The following ZSWIM6 variants were observed in gnomAD, a reference collection of about 807,000 sequenced individuals.
ZSWIM6 encodes the protein zinc finger SWIM domain-containing protein 6.
A neutral mutation model predicts 113.2 loss-of-function variants in ZSWIM6; 9 were observed. The observed-to-expected ratio is 0.08, with a 90% confidence interval of 0.05 to 0.14. The LOEUF (loss-of-function observed/expected upper bound fraction) is 0.14. ZSWIM6 is among the 10% of genes least tolerant of loss of function. The pLI, the probability that ZSWIM6 is intolerant of heterozygous loss-of-function variation, is 1.00. For missense variants in ZSWIM6, 1,162 were observed against 1,552.2 expected (o/e 0.75, Z 4.22); for synonymous variants, 611 against 606.5 (o/e 1.01, Z -0.11).
chr5:61,442,086 A>G (rs1037509542), intron 1 of ZSWIM6, among the ~76,000 whole-genome samples: 1 of 152,140 alleles, frequency 6.6e-6, no homozygotes, highest in Non-Finnish European at 1.5e-5. Context: ...AACAGAAAGC[A>G]GGTGGTCAGT....
chr5:61,368,860 A>G (rs939293089), intron 1 of ZSWIM6, among the ~76,000 whole-genome samples: 3 of 152,218 alleles, frequency 2.0e-5, no homozygotes, highest in Admixed American at 6.5e-5. Flanking sequence ...CTGCTTTGAC[A>G]TCTAGCAGCT....
At chr5:61,474,932 T>G (rs903655469) in intron 2 of ZSWIM6, among the ~76,000 whole-genome samples, 1 of 152,164 alleles carries the variant, frequency 6.6e-6, no homozygotes, top group Non-Finnish European at 1.5e-5. Context: ...GCGTTTGACT[T>G]GGTAGAGTCT....
At chr5:61,485,783 AT>A (rs1035836416) in intron 2 of ZSWIM6, among the ~76,000 whole-genome samples, 9 of 152,104 alleles carry the variant, frequency 5.9e-5, no homozygotes, top group Non-Finnish European at 1.2e-4. Context: ...AGATAAAGTG[AT>A]TTTTTTAGAT....
chr5:61,489,048 C>T (rs1340966263), intron 2 of ZSWIM6, among the ~76,000 whole-genome samples: 1 of 151,974 alleles, frequency 6.6e-6, no homozygotes, highest in Non-Finnish European at 1.5e-5. Flanking sequence ...TTCTTTTCTC[C>T]AGGATTATCT....
chr5:61,446,201 T>G lies in ZSWIM6; in HGVS notation c.677-26480T>G, dbSNP rs1177808088. 2.6e-5 allele frequency among the ~76,000 whole-genome samples: 4 copies of G among 152,210 alleles called. No homozygotes were observed. In the South Asian group the frequency reaches 8.3e-4, roughly 32 times the overall value. ...CACCACTCCCAGCTAATTTTTGTAT[T>G]TTTAGTAGAGACGGGGTTTCACCAT... On this transcript the variant is annotated intron_variant, in intron 1 of 13. Coordinates refer to ENST00000252744, the MANE Select transcript of ZSWIM6 (RefSeq NM_020928.2).
chr5:61,545,285 A>G lies in ZSWIM6; in HGVS notation c.*968A>G, dbSNP rs1184906900. 2 of 151,240 alleles carry G rather than the reference A, an allele frequency of 1.3e-5. No individual in the cohort carries two copies. Among genetic ancestry groups the G allele is most frequent in the Non-Finnish European group, 2.9e-5 (2 of 67,864 alleles). 9.4% of individuals were successfully genotyped at this position (151,240 alleles called of 1,614,324 possible). A position where few individuals can be genotyped will look rare whatever the true frequency, so the allele number is the denominator to read the frequency against. On this transcript the variant is annotated 3_prime_UTR_variant, in exon 14 of 14. Coordinates refer to ENST00000252744, the MANE Select transcript of ZSWIM6 (RefSeq NM_020928.2). ...TACATATATATATGTATACACACAG[A>G]CACACACACACACCACCAACAACCA...
chr5:61,345,088 GATTT>G (rs775446986), intron 1 of ZSWIM6, among the ~76,000 whole-genome samples: 4 of 152,108 alleles, frequency 2.6e-5, no homozygotes, highest in Non-Finnish European at 5.9e-5. Context: ...AAATTTGCCT[GATTT>G]ATTTACTATG....
chr5:61,472,305 A>C lies in ZSWIM6; in HGVS notation c.677-376A>C, dbSNP rs1747590595. On this transcript the variant is annotated intron_variant, in intron 1 of 13. Coordinates refer to ENST00000252744, the MANE Select transcript of ZSWIM6 (RefSeq NM_020928.2). This position sits in a 1 kb window ranked among gnomAD's most constrained non-coding sequence, Gnocchi z 4.1. ...GCTTAAAAAAGGAGTAGAAAAAAGA[A>C]GAAACCACTGATCCCACTGATCTAG... is the stretch of plus-strand genomic sequence containing the variant. Among the ~76,000 whole-genome samples the C allele has an allele frequency of 6.6e-6, 1 of 152,170 alleles. No homozygotes were observed. Among genetic ancestry groups the C allele is most frequent in the African/African-American group, 2.4e-5 (1 of 41,434 alleles).
At position 61,472,650 on chromosome 5, in the gene ZSWIM6, A is replaced by G. The variant is rs775480916; in HGVS notation, c.677-31A>G. On this transcript the variant is annotated intron_variant, in intron 1 of 13. Transcript: ENST00000252744. This position sits in a 1 kb window ranked among gnomAD's most constrained non-coding sequence, Gnocchi z 4.1. The stretch of plus-strand genomic sequence containing the variant: ...TTCATAGCATCTGAATGCAGAAGCT[A>G]AACCCTCCCTTTCTTTCTTTCACCC... The G allele has an allele frequency of 6.9e-7, 1 of 1,450,864 alleles. No homozygotes were observed. The highest frequency in any genetic ancestry group is 1.4e-5 in the South Asian group (1 of 69,656). The allele number at this position is 1,450,864 out of a possible 1,614,324, so 89.9% of individuals were successfully genotyped here.
At chr5:61,465,491 T>A (rs1037295510) in intron 1 of ZSWIM6, among the ~76,000 whole-genome samples, 2 of 151,776 alleles carry the variant, frequency 1.3e-5, no homozygotes, top group Admixed American at 1.3e-4. Context: ...ACTGCAGATA[T>A]CCAAATTAGT....
chr5:61,526,519 TC>T, intron 7 of ZSWIM6, 123 bp downstream of exon 7: 1 of 1,144,648 alleles, frequency 8.7e-7, no homozygotes, highest in Non-Finnish European at 1.2e-6. Context: ...TACTCGCCAT[TC>T]ATTTAAAATA....
chr5:61,402,708 G>A (rs1745962904), intron 1 of ZSWIM6, among the ~76,000 whole-genome samples: 1 of 152,156 alleles, frequency 6.6e-6, no homozygotes, highest in Non-Finnish European at 1.5e-5. Flanking sequence ...TAAAGGTTAA[G>A]TATCCATTTG....
intron 1 of ZSWIM6, among the ~76,000 whole-genome samples, chr5:61,455,887 AG>A (rs1377600300): frequency 6.7e-6 from 1 of 149,338 alleles, no homozygotes; most frequent in Non-Finnish European, 1.5e-5. Flanking sequence ...AGTTTTCAAA[AG>A]ACTTTCATCA....
intron 7 of ZSWIM6, 117 bp downstream of exon 7, chr5:61,526,513 C>A: frequency 1.7e-6 from 2 of 1,180,502 alleles, no homozygotes; most frequent in Non-Finnish European, 2.3e-6. Flanking sequence ...TGGCTTTACT[C>A]GCCATTCATT....
chr5:61,538,999 T>C (rs2112289055), intron 11 of ZSWIM6, 28 bp downstream of exon 11: 2 of 1,473,004 alleles, frequency 1.4e-6, no homozygotes, highest in Non-Finnish European at 1.8e-6. Flanking sequence ...GGCCTCATAA[T>C]TGTTTCATTC....
chr5:61,481,561 ATC>A (rs1747866925), intron 2 of ZSWIM6, among the ~76,000 whole-genome samples: 1 of 152,022 alleles, frequency 6.6e-6, no homozygotes, highest in African/African-American at 2.4e-5. Flanking sequence ...GTATCTCAGC[ATC>A]TGTTTTTTAC....
At chr5:61,348,961 A>G (rs1272258452) in intron 1 of ZSWIM6, among the ~76,000 whole-genome samples, 5 of 152,134 alleles carry the variant, frequency 3.3e-5, no homozygotes, top group East Asian at 1.9e-4. Context: ...TGTGGAACTC[A>G]TCGTTAATGT....
intron 1 of ZSWIM6, among the ~76,000 whole-genome samples, chr5:61,382,648 C>CA (rs1286888865): frequency 1.3e-5 from 2 of 151,630 alleles, no homozygotes; most frequent in East Asian, 3.9e-4. Flanking sequence ...ACTAAAAATA[C>CA]AAAAAAATTA....
intron 1 of ZSWIM6, among the ~76,000 whole-genome samples, chr5:61,410,874 A>G (rs1338343189): frequency 6.6e-6 from 1 of 152,236 alleles, no homozygotes; most frequent in East Asian, 1.9e-4. Context: ...GACTTTGTCC[A>G]CTTTTAATCT....
Sources: allele counts gnomAD v4.1 joint callset (sites outside exome capture counted in the v4.1 genomes callset), GRCh38; gene constraint gnomAD v4.1.1; non-coding constraint Gnocchi (gnomAD v3.1); transcripts MANE v1.5; gene names NCBI Gene and HGNC (gene_info 2026-07-23, HGNC 2026-07-21).